The following WRAP53 variants were observed in gnomAD, a reference collection of about 807,000 sequenced individuals.
WRAP53 encodes telomerase Cajal body protein 1.
A neutral mutation model predicts 56.6 loss-of-function variants in WRAP53; 28 were observed. The observed-to-expected ratio is 0.50, with a 90% CI of 0.37 to 0.68. The LOEUF is 0.68. Among genes scored for constraint, WRAP53 ranks in the 30% least tolerant of loss-of-function variants. The probability of loss-of-function intolerance (pLI) is 0.00; values close to 1 mark genes in which losing one functional copy is unlikely to be tolerated. For missense variants in WRAP53, 671 were observed against 715.5 expected (o/e 0.94, Z 0.71); for synonymous variants, 283 against 283.4 (o/e 1.00, Z 0.01).
At chr17:7,693,804 A>T (rs1200684848) in intron 4 of WRAP53, among the ~76,000 whole-genome samples, 2 of 152,228 alleles carry the variant, frequency 1.3e-5, no homozygotes, top group Non-Finnish European at 2.9e-5. Context: ...AGTCACTGGT[A>T]TCAGTTGTGT....
At chr17:7,693,550 C>G (rs957710392) in intron 4 of WRAP53, among the ~76,000 whole-genome samples, 1 of 152,034 alleles carries the variant, frequency 6.6e-6, no homozygotes, top group Non-Finnish European at 1.5e-5. Context: ...GAAACCCTGT[C>G]TTTACTAAAA....
upstream of WRAP53, chr17:7,686,695 G>C (rs2073988537): frequency 1.3e-5 from 2 of 152,266 alleles, no homozygotes; most frequent in Admixed American, 1.3e-4. Context: ...TGTAAATGTG[G>C]AGCCAAACAA....
chr17:7,703,076 C>T lies in WRAP53; in HGVS notation c.1352C>T (p.Pro451Leu), dbSNP rs147407953. The T allele has an allele frequency of 1.9e-5, 30 of 1,613,988 alleles. No homozygotes were observed. The highest frequency in any genetic ancestry group is 5.3e-5 in the African/African-American group (4 of 74,894). ...GACGGGCCTGGCAATGATGGGAAGC[C>T]GGAGCCCGTGTTGAGTTTTCTGCCC... ...DTDGPGNDGK[P>L]EPVLSFLPQK... Residue 451 changes from proline (P) to leucine (L), a missense_variant, in exon 10 of 11, where the codon CCG becomes CTG. Pro to Leu is a moderately conservative substitution (Grantham distance 98). Coordinates refer to ENST00000396463, the MANE Select transcript of WRAP53 (RefSeq NM_001143992.2).
In WRAP53 at chr17:7,701,093, C is replaced by T. The variant is rs1252966562; in HGVS notation, c.731+264C>T. ...GTTGAAGTGATTCTCCTGCCTCAGC[C>T]TCCTGAGTAGCTGGGATTACAGGTG... On this transcript the variant is annotated intron_variant, in intron 5 of 10. Coordinates refer to ENST00000396463, the MANE Select transcript of WRAP53 (RefSeq NM_001143992.2). The surrounding 1 kb of genome is among the most constrained non-coding windows in gnomAD (Gnocchi z 4.2). Among the ~76,000 whole-genome samples, 1 of 152,154 alleles carries T rather than the reference C, an allele frequency of 6.6e-6. No homozygotes were observed. Among genetic ancestry groups the T allele is most frequent in the African/African-American group, 2.4e-5 (1 of 41,438 alleles).
chr17:7,702,757 G>C lies in WRAP53; in HGVS notation c.1179G>C (p.Leu393=). ...FSGARKDAEL[L]CWDLRQSGYP... is the part of the protein sequence containing the mutation. ...CTTGTCTCCAGGATGCTGAGCTCCTGTGCTGGGATCTCCGGCAGTCTGGTT... is the reference window on the plus strand; with the variant it reads ...CTTGTCTCCAGGATGCTGAGCTCCTCTGCTGGGATCTCCGGCAGTCTGGTT... Residue 393 remains leucine, a synonymous_variant, in exon 9 of 11, where the codon CTG becomes CTC. Coordinates refer to ENST00000396463, the MANE Select transcript of WRAP53 (RefSeq NM_001143992.2). The surrounding 1 kb of genome is among the most constrained non-coding windows in gnomAD (Gnocchi z 5.0). The C allele has an allele frequency of 6.2e-7, 1 of 1,613,758 alleles. No homozygotes were observed. The highest frequency in any genetic ancestry group is 1.7e-5 in the Admixed American group (1 of 60,028).
In WRAP53 at chr17:7,702,316, T is replaced by C; in HGVS notation, c.956-28T>C. 6.2e-7 allele frequency: 1 copy of C among 1,613,306 alleles called. No individual in the cohort carries two copies. The highest frequency in any genetic ancestry group is 8.5e-7 in the Non-Finnish European group (1 of 1,179,420). The stretch of plus-strand genomic sequence containing the variant: ...GTTAGTGCCAGGAGCCATTGCCCCC[T>C]CCCCCACTTTGTTCCTTCCCTCTCT... On this transcript the variant is annotated intron_variant, in intron 7 of 10. Coordinates refer to ENST00000396463, the MANE Select transcript of WRAP53 (RefSeq NM_001143992.2). The surrounding 1 kb of genome is among the most constrained non-coding windows in gnomAD (Gnocchi z 5.0).
intron 4 of WRAP53, among the ~76,000 whole-genome samples, chr17:7,699,653 C>G (rs2074249030): frequency 6.8e-6 from 1 of 147,204 alleles, no homozygotes; most frequent in African/African-American, 2.5e-5. Context: ...ATGGAGGGGT[C>G]ACAGGGCTGT....
At chr17:7,693,090 G>A (rs921389709) in intron 4 of WRAP53, among the ~76,000 whole-genome samples, 1 of 151,950 alleles carries the variant, frequency 6.6e-6, no homozygotes, top group African/African-American at 2.4e-5. Context: ...TTAGCAGCAT[G>A]AGTCACTGTC....
intron 4 of WRAP53, among the ~76,000 whole-genome samples, 187 bp from the exon 5 acceptor site, chr17:7,700,554 A>G (rs1243383306): frequency 2.0e-5 from 3 of 152,026 alleles, no homozygotes; most frequent in Non-Finnish European, 1.5e-5. Context: ...TAATAAAAAA[A>G]AAAAAGTATG....
intron 4 of WRAP53, among the ~76,000 whole-genome samples, chr17:7,692,089 C>G (rs1399762655): frequency 6.6e-6 from 1 of 151,666 alleles, no homozygotes; most frequent in African/African-American, 2.4e-5. Context: ...ATCTGCCCAC[C>G]TTGGCCTCCC....
chr17:7,694,959 CTT>C lies in WRAP53; in HGVS notation c.642+5268_642+5269del, dbSNP rs200485703. Among the ~76,000 whole-genome samples the C allele has an allele frequency of 2.1e-5, 3 of 143,586 alleles. No homozygotes were observed. The South Asian group carries it at 6.6e-4, about 31-fold the overall frequency. 94.2% of individuals were successfully genotyped at this position (143,586 alleles called of 152,430 possible). ...CAAGCTTAGCATTTGAAATAGATAA[CTT>C]TTTTTTTTTGAGATGGAGTCTTGCT... On this transcript the variant is annotated intron_variant, in intron 4 of 10. Coordinates refer to ENST00000396463, the MANE Select transcript of WRAP53 (RefSeq NM_001143992.2).
Position 7,702,723 on chromosome 17 carries a change from G to T in WRAP53, c.1165-20G>T. 1 of 1,612,194 alleles carries T rather than the reference G, an allele frequency of 6.2e-7. No individual in the cohort carries two copies. The highest frequency in any genetic ancestry group is 8.5e-7 in the Non-Finnish European group (1 of 1,179,670). ...TCCAGGGCTTTGGGGGTGACTCCAGGTCCTGTTCCTTGTCTCCAGGATGCT... is the reference window on the plus strand; with the variant it reads ...TCCAGGGCTTTGGGGGTGACTCCAGTTCCTGTTCCTTGTCTCCAGGATGCT... On this transcript the variant is annotated intron_variant, in intron 8 of 10. Coordinates refer to ENST00000396463, the MANE Select transcript of WRAP53 (RefSeq NM_001143992.2). This position sits in a 1 kb window ranked among gnomAD's most constrained non-coding sequence, Gnocchi z 5.0.
chr17:7,693,263 C>T (rs1405275427), intron 4 of WRAP53, among the ~76,000 whole-genome samples: 1 of 151,536 alleles, frequency 6.6e-6, no homozygotes, highest in East Asian at 1.9e-4. Flanking sequence ...TCGGTACCCG[C>T]TAGAGGTCTG....
rs1165734343 is a variant in WRAP53, at chr17:7,699,458, T to TTATA, written c.643-1269_643-1266dup. On this transcript the variant is annotated intron_variant, in intron 4 of 10. Coordinates refer to ENST00000396463, the MANE Select transcript of WRAP53 (RefSeq NM_001143992.2). ...AAAAAATTTATATATATATATATAT[T>TTATA]TATATATATATATATATTTATATAT... 3.8e-4 allele frequency among the ~76,000 whole-genome samples: 15 copies of TTATA among 39,874 alleles called. 1 individual carries two copies. The highest frequency in any genetic ancestry group is 1.5e-3 in the South Asian group (2 of 1,336). 26.2% of individuals were successfully genotyped at this position (39,874 alleles called of 152,430 possible). A position where few individuals can be genotyped will look rare whatever the true frequency, so the allele number is the denominator to read the frequency against.
In WRAP53 at chr17:7,701,664, T is replaced by C; in HGVS notation, c.830T>C (p.Leu277Pro). The change falls in exon 7 of 11, where the codon CTG becomes CCG. Residue 277 changes from leucine (L) to proline (P), a missense_variant. Transcript: ENST00000396463. This position sits in a 1 kb window ranked among gnomAD's most constrained non-coding sequence, Gnocchi z 4.2. Reference sequence around the variant, plus strand: ...GCCCTTTCCTTCCCCCAGGATGAGCTGACGGCAGCCCATTCGCTCTGCTTC... The same window carrying C: ...GCCCTTTCCTTCCCCCAGGATGAGCCGACGGCAGCCCATTCGCTCTGCTTC... Reference protein sequence around the residue: ...SFRAYNHLDELTAAHSLCFSP... With the variant: ...SFRAYNHLDEPTAAHSLCFSP... The C allele has an allele frequency of 6.2e-7, 1 of 1,614,266 alleles. No individual in the cohort carries two copies. The highest frequency in any genetic ancestry group is 2.2e-5 in the East Asian group (1 of 44,886).
At chr17:7,688,347 A>G, upstream of WRAP53, 1 of 470,228 alleles carries the variant, frequency 2.1e-6, no homozygotes. Flanking sequence ...CTAACCTTTC[A>G]CGTCCCGGCT....
Position 7,689,205 on chromosome 17 carries a change from TCC to T in WRAP53, c.432-15_432-14del, listed in dbSNP as rs2074070514. On this transcript the variant is annotated splice_polypyrimidine_tract_variant and intron_variant, in intron 2 of 10. Transcript: ENST00000396463. ...TTTGCTTGGCGACCCAGGTTTATTG[TCC>T]CCCATCTTCCTTTCAGCGCTTGGAA... 1 of 1,613,596 alleles carries T rather than the reference TCC, an allele frequency of 6.2e-7. No homozygotes were observed. Among genetic ancestry groups the T allele is most frequent in the Non-Finnish European group, 8.5e-7 (1 of 1,179,924 alleles).
rs773235897 is a variant in WRAP53, at chr17:7,700,855, G to A, written c.731+26G>A. 1.5e-5 allele frequency: 24 copies of A among 1,553,670 alleles called. 1 individual carries two copies. In the East Asian group the frequency reaches 4.1e-4, roughly 26 times the overall value. ...GTAAGTAATGTTTGCCTCCCTGCTC[G>A]CCGCCCCACCACCCAGTTTCAAGCA... On this transcript the variant is annotated intron_variant, in intron 5 of 10. Coordinates refer to ENST00000396463, the MANE Select transcript of WRAP53 (RefSeq NM_001143992.2).
chr17:7,690,377 A>G (rs1166252718), intron 4 of WRAP53, among the ~76,000 whole-genome samples: 1 of 152,228 alleles, frequency 6.6e-6, no homozygotes, highest in Non-Finnish European at 1.5e-5. Context: ...TAAACCAGCA[A>G]GCATCAGGAC....
Sources: allele counts gnomAD v4.1 joint callset (sites outside exome capture counted in the v4.1 genomes callset), GRCh38; gene constraint gnomAD v4.1.1; non-coding constraint Gnocchi (gnomAD v3.1); transcripts MANE v1.5; gene names NCBI Gene and HGNC (gene_info 2026-07-23, HGNC 2026-07-21).